FAM107A: variants seen among roughly 807,000 people sequenced by gnomAD.
FAM107A encodes family with sequence similarity 107 member A.
A neutral mutation model predicts 13.7 loss-of-function variants in FAM107A; 19 were observed. That is an observed-to-expected ratio of 1.38 (90% CI 0.97 to 2.03). FAM107A has a LOEUF of 2.03. Among genes scored for constraint, FAM107A ranks in the 30% most tolerant of loss-of-function variants. The probability of loss-of-function intolerance (pLI) is 0.00; values close to 1 mark genes in which losing one functional copy is unlikely to be tolerated. For missense variants in FAM107A, 203 were observed against 184.4 expected, an observed-to-expected ratio of 1.10 and a Z score of -0.58; for synonymous variants, 82 against 74.5, an observed-to-expected ratio of 1.10 and a Z score of -0.52.
intron 2 of FAM107A, among the ~76,000 whole-genome samples, chr3:58,568,845 T>C (rs1416729856): frequency 6.6e-6 from 1 of 152,098 alleles, no homozygotes; most frequent in African/African-American, 2.4e-5. Flanking sequence ...GGCTCAGCCT[T>C]CCTCTTCTCC....
chr3:58,585,759 CAA>C (rs2065599153), intron 1 of FAM107A, among the ~76,000 whole-genome samples: 1 of 152,222 alleles, frequency 6.6e-6, no homozygotes, highest in Non-Finnish European at 1.5e-5. Flanking sequence ...CGTCTCTCTC[CAA>C]GGAGAGTCGG....
intron 1 of FAM107A, among the ~76,000 whole-genome samples, chr3:58,586,438 A>G (rs2065606321): frequency 6.6e-6 from 1 of 152,246 alleles, no homozygotes; most frequent in South Asian, 2.1e-4. Context: ...AAGAAAAAAA[A>G]AGTAATTAAA....
upstream of FAM107A, chr3:58,577,542 C>T (rs1438527403): frequency 1.6e-5 from 16 of 985,238 alleles, no homozygotes; most frequent in Admixed American, 6.1e-4. The surrounding 1 kb of genome is among the most constrained non-coding windows in gnomAD (Gnocchi z 4.9). Flanking sequence ...ACTTGGTGCA[C>T]GGCCACTTCC....
intron 1 of FAM107A, among the ~76,000 whole-genome samples, chr3:58,597,702 G>A (rs2065719532): frequency 6.6e-6 from 1 of 152,210 alleles, no homozygotes; most frequent in Admixed American, 6.5e-5. Flanking sequence ...CATGACTACC[G>A]ATATGGTCTC....
intron 1 of FAM107A, chr3:58,572,714 TG>T (rs2063696376): frequency 6.6e-6 from 1 of 152,130 alleles, no homozygotes; most frequent in Non-Finnish European, 1.5e-5. Flanking sequence ...TCACTTCCAA[TG>T]GGTGGTCTCT....
rs1333780029 is a variant in FAM107A at position 58,613,199 on chromosome 3, A to G, written c.-70+14217T>C. Among the ~76,000 whole-genome samples the G allele has an allele frequency of 6.6e-6, 1 of 152,218 alleles. No homozygotes were observed. Among genetic ancestry groups the G allele is most frequent in the Non-Finnish European group, 1.5e-5 (1 of 68,032 alleles). On this transcript the variant is annotated intron_variant, in intron 1 of 3. Transcript: ENST00000465970. The surrounding 1 kb of genome is among the most constrained non-coding windows in gnomAD (Gnocchi z 4.6). ...ATTTGTTGAGCTCACACTATGTGTC[A>G]AGGACTGTGCTCAGTAGATTCTATT...
rs562860229 is a variant in FAM107A at position 58,566,268 on chromosome 3, T to C, written c.*320A>G. 9.5e-4 allele frequency: 263 copies of C among 277,780 alleles called. 1 individual carries two copies. The highest frequency in any genetic ancestry group is 2.4e-3 in the South Asian group (24 of 10,188). The allele number at this position is 277,780 out of a possible 1,614,324, so 17.2% of individuals were successfully genotyped here. A position where few individuals can be genotyped will look rare whatever the true frequency, so the allele number is the denominator to read the frequency against. On this transcript the variant is annotated 3_prime_UTR_variant, in exon 4 of 4. Transcript: ENST00000360997. Reference sequence around the variant, plus strand: ...GAAGGCCTGGGCAGAACAGAAGGCTTGTCAAGTCAGAGGGCCACCTCTTCC... The same window carrying C: ...GAAGGCCTGGGCAGAACAGAAGGCTCGTCAAGTCAGAGGGCCACCTCTTCC...
At position 58,571,650 on chromosome 3, in the gene FAM107A, C is replaced by T. The variant is rs115362078; in HGVS notation, c.-5-1785G>A. 4.3e-3 allele frequency among the ~76,000 whole-genome samples: 657 copies of T among 152,258 alleles called. 7 individuals are homozygous for T. The highest frequency in any genetic ancestry group is 0.015 in the African/African-American group (613 of 41,554). On this transcript the variant is annotated intron_variant, in intron 1 of 3. Coordinates refer to ENST00000360997, the MANE Select transcript of FAM107A (RefSeq NM_001076778.3). ...TGGGATCAAGCTCTCTGGGTGCTTACGTATTAGAACACCTGGATTCAGATT... is the reference window on the plus strand; with the variant it reads ...TGGGATCAAGCTCTCTGGGTGCTTATGTATTAGAACACCTGGATTCAGATT...
intron 1 of FAM107A, among the ~76,000 whole-genome samples, chr3:58,597,322 G>A (rs1247500878): frequency 6.6e-6 from 1 of 152,214 alleles, no homozygotes; most frequent in African/African-American, 2.4e-5. Context: ...TTACAACATA[G>A]ATTTTTGGGG....
intron 1 of FAM107A, among the ~76,000 whole-genome samples, chr3:58,585,033 T>C (rs569124873): frequency 1.3e-5 from 2 of 152,184 alleles, no homozygotes; most frequent in Non-Finnish European, 2.9e-5. Context: ...ACTTGTAGAG[T>C]GGTGCAGGGA....
chr3:58,567,020 G>A (rs1315331621), intron 3 of FAM107A, 188 bp downstream of exon 3: 2 of 672,172 alleles, frequency 3.0e-6, no homozygotes, highest in Non-Finnish European at 2.6e-6. Context: ...GAGGTTCAGG[G>A]AAGCCACTCG....
chr3:58,596,630 G>T (rs900573494), intron 1 of FAM107A, among the ~76,000 whole-genome samples: 9 of 150,532 alleles, frequency 6.0e-5, no homozygotes, highest in South Asian at 2.1e-4. Flanking sequence ...AGTGAGCCCA[G>T]ATCGTGCCAC....
rs1458570646 is a variant in FAM107A at position 58,600,467 on chromosome 3, C to A, written c.-69-11198G>T. On this transcript the variant is annotated intron_variant, in intron 1 of 3. Transcript: ENST00000465970. ...CCCAGTGTGGCAGCTATATCGTCATCCCATTTTACAGATGAGAATAGTGAG... is the reference window on the plus strand; with the variant it reads ...CCCAGTGTGGCAGCTATATCGTCATACCATTTTACAGATGAGAATAGTGAG... Among the ~76,000 whole-genome samples, 5 of 152,186 alleles carry A rather than the reference C, an allele frequency of 3.3e-5. No individual in the cohort carries two copies. In the East Asian group the frequency reaches 9.6e-4, roughly 29 times the overall value.
intron 1 of FAM107A, among the ~76,000 whole-genome samples, chr3:58,599,461 C>A (rs943975582): frequency 1.3e-5 from 2 of 152,162 alleles, no homozygotes; most frequent in Non-Finnish European, 1.5e-5. Context: ...ATGGGATTGT[C>A]CACACCTTCA....
rs751909056 is a variant in FAM107A at position 58,610,524 on chromosome 3, GCT to G, written c.-70+16890_-70+16891del. ...TAGATCTCTACCCTGACACTTCCTA[GCT>G]CTGTCACCCTCTTAACTTCTCCATG... On this transcript the variant is annotated intron_variant, in intron 1 of 3. Transcript: ENST00000465970. 1.8e-4 allele frequency among the ~76,000 whole-genome samples: 27 copies of G among 152,272 alleles called. No homozygotes were observed. The Middle Eastern group carries it at 0.017, about 96-fold the overall frequency.
intron 1 of FAM107A, among the ~76,000 whole-genome samples, chr3:58,605,494 G>A (rs2065786124): frequency 6.6e-6 from 1 of 152,176 alleles, no homozygotes. Context: ...TTCTGTTTGG[G>A]CTCCATCGTC....
At chr3:58,625,630 T>C (rs2066006853) in intron 1 of FAM107A, among the ~76,000 whole-genome samples, 1 of 152,204 alleles carries the variant, frequency 6.6e-6, no homozygotes, top group South Asian at 2.1e-4. Context: ...CACAGCTTAT[T>C]GAATATGTAT....
At chr3:58,587,402 CA>C (rs2065619324), upstream of FAM107A, among the ~76,000 whole-genome samples, 1 of 152,162 alleles carries the variant, frequency 6.6e-6, no homozygotes. Flanking sequence ...CGCAGAAACT[CA>C]GTTTCCTCAT....
intron 1 of FAM107A, among the ~76,000 whole-genome samples, chr3:58,624,010 G>A (rs951584915): frequency 2.0e-5 from 3 of 152,216 alleles, no homozygotes; most frequent in Admixed American, 1.3e-4. Flanking sequence ...GCTGATTGGG[G>A]TGGAGGACGG....
Sources: allele counts gnomAD v4.1 joint callset (sites outside exome capture counted in the v4.1 genomes callset), GRCh38; gene constraint gnomAD v4.1.1; non-coding constraint Gnocchi (gnomAD v3.1); transcripts MANE v1.5; gene names NCBI Gene and HGNC (gene_info 2026-07-23, HGNC 2026-07-21).